Variants in GRID2 observed in about 807,000 individuals in gnomAD.
GRID2 encodes the protein glutamate receptor ionotropic, delta-2.
GRID2 carries 33 observed loss-of-function variants against 114.8 expected under a neutral mutation model. The observed-to-expected ratio is 0.29, with a 90% CI of 0.22 to 0.38. The LOEUF is 0.38. Among genes scored for constraint, GRID2 ranks in the 10% least tolerant of loss-of-function variants. GRID2 has a pLI of 1.00. For missense variants in GRID2, 1,184 were observed against 1,257.7 expected (o/e 0.94, Z 0.89); for synonymous variants, 505 against 449.9 (o/e 1.12, Z -1.55).
chr4:93,583,500 G>T (rs541232908), intron 13 of GRID2, among the ~76,000 whole-genome samples: 1 of 151,908 alleles, frequency 6.6e-6, no homozygotes, highest in Admixed American at 6.6e-5. Context: ...GATTCTCATT[G>T]AATGTTTTTT....
chr4:93,451,290 C>T (rs1320718704), intron 10 of GRID2, among the ~76,000 whole-genome samples: 2 of 152,012 alleles, frequency 1.3e-5, no homozygotes, highest in African/African-American at 4.8e-5. Context: ...GGAATGTAAA[C>T]TTCTGATAGT....
chr4:93,066,092 G>C (rs1458291668), intron 2 of GRID2, among the ~76,000 whole-genome samples: 2 of 151,820 alleles, frequency 1.3e-5, no homozygotes, highest in Non-Finnish European at 2.9e-5. Context: ...AAAAAGCATA[G>C]AACCAGAGTT....
chr4:93,205,728 G>A (rs140645667), intron 4 of GRID2, among the ~76,000 whole-genome samples: 163 of 152,044 alleles, frequency 1.1e-3, no homozygotes, highest in African/African-American at 3.7e-3. Flanking sequence ...CTAAGGAATC[G>A]CCACACTGAC....
chr4:92,538,624 C>T (rs1327091185), intron 1 of GRID2, among the ~76,000 whole-genome samples: 3 of 152,136 alleles, frequency 2.0e-5, no homozygotes, highest in East Asian at 3.9e-4. Flanking sequence ...ATAGTAAATA[C>T]TCCATAAACA....
intron 4 of GRID2, among the ~76,000 whole-genome samples, chr4:93,125,442 G>C (rs959418048): frequency 4.6e-5 from 7 of 151,834 alleles, no homozygotes; most frequent in Admixed American, 1.3e-4. Context: ...ATTTTATTCT[G>C]TTAAAACTAA....
At chr4:93,179,431 T>C (rs1353248726) in intron 4 of GRID2, among the ~76,000 whole-genome samples, 1 of 152,188 alleles carries the variant, frequency 6.6e-6, no homozygotes, top group Non-Finnish European at 1.5e-5. Flanking sequence ...CTTAAAGTCT[T>C]GGGGAGTAAG....
intron 1 of GRID2, among the ~76,000 whole-genome samples, chr4:92,585,685 GAAATTATGTGCAGGATGAACACAT>G (rs2149206730): frequency 6.6e-6 from 1 of 151,872 alleles, no homozygotes; most frequent in East Asian, 1.9e-4. Context: ...ATTGTTAGAG[GAAATTATGTGCAGGATGAACACAT>G]AATTTTTTCT....
In GRID2 at chr4:92,838,725, G is replaced by A. The variant is rs977602991; in HGVS notation, c.245-246270G>A. On this transcript the variant is annotated intron_variant, in intron 2 of 15. Coordinates refer to ENST00000282020, the MANE Select transcript of GRID2 (RefSeq NM_001510.4). ...AGACATAAAGCATTAGACTGTTACTGTCTATATGAAGGTGGTAAACTAACA... is the reference window on the plus strand; with the variant it reads ...AGACATAAAGCATTAGACTGTTACTATCTATATGAAGGTGGTAAACTAACA... 5 of 152,190 alleles carry A rather than the reference G, an allele frequency of 3.3e-5. No homozygotes were observed. In the Middle Eastern group the frequency reaches 0.01, roughly 311 times the overall value. 9.4% of individuals were successfully genotyped at this position (152,190 alleles called of 1,614,324 possible). A position where few individuals can be genotyped will look rare whatever the true frequency, so the allele number is the denominator to read the frequency against.
chr4:92,832,188 C>T (rs1282869321), intron 2 of GRID2, among the ~76,000 whole-genome samples: 1 of 151,544 alleles, frequency 6.6e-6, no homozygotes, highest in Non-Finnish European at 1.5e-5. Context: ...TCCTGTAATC[C>T]CAGCACTTTA....
intron 2 of GRID2, among the ~76,000 whole-genome samples, chr4:92,784,359 A>G (rs1457127664): frequency 6.6e-6 from 1 of 151,978 alleles, no homozygotes; most frequent in Non-Finnish European, 1.5e-5. Context: ...CTTCACTGAG[A>G]ATGATTGTTA....
intron 2 of GRID2, among the ~76,000 whole-genome samples, chr4:92,720,532 CAAATAAAT>C (rs760665906): frequency 2.6e-5 from 4 of 151,500 alleles, no homozygotes; most frequent in Non-Finnish European, 4.4e-5. Flanking sequence ...GACTCCATCT[CAAATAAAT>C]AAATAAATAA....
intron 14 of GRID2, among the ~76,000 whole-genome samples, chr4:93,669,197 T>C (rs1427985816): frequency 6.6e-6 from 1 of 152,044 alleles, no homozygotes; most frequent in African/African-American, 2.4e-5. Context: ...GCCTCTGAGT[T>C]AATGTGGGGT....
chr4:93,616,276 G>T (rs530016290), intron 13 of GRID2, among the ~76,000 whole-genome samples: 1 of 151,982 alleles, frequency 6.6e-6, no homozygotes, highest in South Asian at 2.1e-4. Context: ...GGGCACAGTG[G>T]CTCTCGCCTA....
intron 2 of GRID2, among the ~76,000 whole-genome samples, chr4:92,718,991 ATTTT>A (rs879770532): frequency 6.9e-6 from 1 of 145,810 alleles, no homozygotes; most frequent in African/African-American, 2.5e-5. Context: ...CAAAAGACAG[ATTTT>A]TTTTTTTTTA....
chr4:93,410,305 C>A (rs906240348), intron 9 of GRID2, among the ~76,000 whole-genome samples: 9 of 152,188 alleles, frequency 5.9e-5, no homozygotes, highest in African/African-American at 1.9e-4. Flanking sequence ...TCTACCAATT[C>A]TTTTCTCGTG....
At chr4:93,051,734 A>G (rs538094912) in intron 2 of GRID2, among the ~76,000 whole-genome samples, 2 of 152,136 alleles carry the variant, frequency 1.3e-5, no homozygotes, top group African/African-American at 2.4e-5. Context: ...AAGTTAGCAT[A>G]TAGAAATACT....
chr4:92,449,810 C>T (rs79486132), intron 1 of GRID2, among the ~76,000 whole-genome samples: 3,240 of 150,178 alleles, frequency 0.022, 47 homozygotes, highest in Non-Finnish European at 0.035. Flanking sequence ...TAAGTCATGG[C>T]TTTAGAGCAC....
At chr4:92,827,403 A>T (rs936615451) in intron 2 of GRID2, among the ~76,000 whole-genome samples, 33 of 113,146 alleles carry the variant, frequency 2.9e-4, no homozygotes, top group Admixed American at 1.0e-3. Flanking sequence ...CCTGAGATTT[A>T]AAAAAAAAAA....
chr4:93,052,753 A>G (rs1245606943), intron 2 of GRID2, among the ~76,000 whole-genome samples: 2 of 151,846 alleles, frequency 1.3e-5, no homozygotes, highest in Non-Finnish European at 2.9e-5. Context: ...CTGAATTTTA[A>G]AAAGTTTACT....
Sources: gnomAD v4.1 joint callset for allele counts (sites outside exome capture counted in the v4.1 genomes callset) on GRCh38, gnomAD v4.1.1 for gene constraint, MANE v1.5 for transcripts, NCBI Gene and HGNC (gene_info 2026-07-23, HGNC 2026-07-21) for gene names.